CELF2: variants seen among roughly 807,000 people sequenced by gnomAD.
CELF2 encodes CUG triplet repeat RNA-binding protein 2.
In CELF2, 8 loss-of-function variants were observed where a neutral mutation model predicts 62.6. The ratio of observed to expected loss-of-function variants is 0.13; its 90% CI spans 0.07 to 0.23. CELF2 has a LOEUF of 0.23. CELF2 is among the 10% of genes least tolerant of loss of function. CELF2 has a pLI of 1.00. For synonymous variants in CELF2, 258 were observed against 250.0 expected, an observed-to-expected ratio of 1.03 and a Z score of -0.30; for missense variants, 333 against 671.0, an observed-to-expected ratio of 0.50 and a Z score of 5.56.
At chr10:11,216,033 G>A (rs1368502906) in intron 2 of CELF2, among the ~76,000 whole-genome samples, 1 of 152,158 alleles carries the variant, frequency 6.6e-6, no homozygotes, top group East Asian at 1.9e-4. Flanking sequence ...GTCTCTTCAG[G>A]TTGATTCTTT....
intron 1 of CELF2, among the ~76,000 whole-genome samples, chr10:11,067,664 C>T (rs956236517): frequency 6.6e-6 from 1 of 152,194 alleles, no homozygotes; most frequent in Non-Finnish European, 1.5e-5. Context: ...GGTTCCCAAG[C>T]AAGAAACTCT....
chr10:10,848,740 G>A (rs551797197), intron 1 of CELF2, among the ~76,000 whole-genome samples: 4 of 152,266 alleles, frequency 2.6e-5, no homozygotes, highest in African/African-American at 9.6e-5. Flanking sequence ...TCAACAGAAC[G>A]GGTTCCGATT....
At chr10:10,565,717 A>G in the CELF2 span, among the ~76,000 whole-genome samples, 2 of 152,204 alleles carry the variant, frequency 1.3e-5, no homozygotes, top group Non-Finnish European at 2.9e-5. Context: ...ACTTCCTTTT[A>G]ATAAGCACGG....
At chr10:11,299,255 T>C (rs12360461) in intron 9 of CELF2, among the ~76,000 whole-genome samples, 151,118 of 152,386 alleles carry the variant, frequency 0.99, 74,942 homozygotes, top group Middle Eastern at 1. Context: ...ACACGGCGGG[T>C]GGTGCGTGCT....
chr10:10,670,260 T>G, the CELF2 span, among the ~76,000 whole-genome samples: 1 of 152,172 alleles, frequency 6.6e-6, no homozygotes, highest in South Asian at 2.1e-4. Context: ...TAAACTCAAC[T>G]GATTTTCAGC....
chr10:10,567,382 C>T, the CELF2 span, among the ~76,000 whole-genome samples: 1 of 152,094 alleles, frequency 6.6e-6, no homozygotes, highest in Non-Finnish European at 1.5e-5. Flanking sequence ...GGTCGGGTTC[C>T]CTGGGGAAGC....
chr10:11,152,532 C>G (rs1269905727), intron 1 of CELF2, among the ~76,000 whole-genome samples: 1 of 152,196 alleles, frequency 6.6e-6, no homozygotes, highest in Non-Finnish European at 1.5e-5. Flanking sequence ...CAAAATTATC[C>G]TTTTAACTTC....
chr10:10,609,233 G>T, the CELF2 span, among the ~76,000 whole-genome samples: 1 of 152,132 alleles, frequency 6.6e-6, no homozygotes, highest in Non-Finnish European at 1.5e-5. Flanking sequence ...CAAGGCTAAA[G>T]GTACAATCCA....
rs753695637 is a variant in CELF2, at chr10:11,082,627, C to T, written c.74+64464C>T. On this transcript the variant is annotated intron_variant, in intron 1 of 12. Coordinates refer to ENST00000633077, the MANE Select transcript of CELF2 (RefSeq NM_001326342.2). ...AGATTACTTAGATGAGCTCTGAGAT[C>T]CCTTCCAGTTCTAAAAATGCTATGA... 3.2e-4 allele frequency among the ~76,000 whole-genome samples: 48 copies of T among 152,346 alleles called. 1 individual carries two copies. Among genetic ancestry groups the T allele is most frequent in the African/African-American group, 1.2e-3 (48 of 41,586 alleles).
chr10:10,794,357 A>G (rs2054019472), upstream of CELF2, among the ~76,000 whole-genome samples: 1 of 151,056 alleles, frequency 6.6e-6, no homozygotes, highest in African/African-American at 2.4e-5. Context: ...ATAAGAAGAG[A>G]AAAAAAACTA....
chr10:11,321,752 C>T lies in CELF2; in HGVS notation c.1294+366C>T, dbSNP rs539898759. Among the ~76,000 whole-genome samples the T allele has an allele frequency of 1.3e-5, 2 of 152,238 alleles. No homozygotes were observed. The highest frequency in any genetic ancestry group is 4.8e-5 in the African/African-American group (2 of 41,546). On this transcript the variant is annotated intron_variant, in intron 11 of 12. Coordinates refer to ENST00000633077, the MANE Select transcript of CELF2 (RefSeq NM_001326342.2). This position sits in a 1 kb window ranked among gnomAD's most constrained non-coding sequence, Gnocchi z 6.2. Reference sequence around the variant, plus strand: ...TCTTTCTCACTTGGTCTTATAGTTACCTTCTAATTTAATTTTTCATCGATC... The same window carrying T: ...TCTTTCTCACTTGGTCTTATAGTTATCTTCTAATTTAATTTTTCATCGATC...
At position 11,329,871 on chromosome 10, in the gene CELF2, A is replaced by G. The variant is rs894354413; in HGVS notation, c.*818A>G. ...ACATAAATACATAAATAAAAAAGAA[A>G]GCCACAGGCCTGTAAATTTTATTTG... On this transcript the variant is annotated 3_prime_UTR_variant, in exon 13 of 13. Coordinates refer to ENST00000633077, the MANE Select transcript of CELF2 (RefSeq NM_001326342.2). This position sits in a 1 kb window ranked among gnomAD's most constrained non-coding sequence, Gnocchi z 5.5. The G allele has an allele frequency of 6.6e-6, 1 of 152,460 alleles. No individual in the cohort carries two copies. Among genetic ancestry groups the G allele is most frequent in the African/African-American group, 2.4e-5 (1 of 41,468 alleles). 9.4% of individuals were successfully genotyped at this position (152,460 alleles called of 1,614,324 possible).
chr10:10,587,981 C>T, the CELF2 span, among the ~76,000 whole-genome samples: 2 of 151,598 alleles, frequency 1.3e-5, no homozygotes, highest in Non-Finnish European at 2.9e-5. Flanking sequence ...GCCCACTCAC[C>T]AAGAAGGAGG....
rs937186870 is a variant in CELF2, at chr10:11,211,312, G to C, written c.272-6113G>C. Among the ~76,000 whole-genome samples, 1 of 152,188 alleles carries C rather than the reference G, an allele frequency of 6.6e-6. No individual in the cohort carries two copies. Among genetic ancestry groups the C allele is most frequent in the Admixed American group, 6.5e-5 (1 of 15,286 alleles). ...AAAATTGCTTTGTCCATATATTAGA[G>C]TCAAGGAATTTAAAGAAAACCGCCT... On this transcript the variant is annotated intron_variant, in intron 2 of 12. Coordinates refer to ENST00000633077, the MANE Select transcript of CELF2 (RefSeq NM_001326342.2). This position sits in a 1 kb window ranked among gnomAD's most constrained non-coding sequence, Gnocchi z 4.8.
the CELF2 span, among the ~76,000 whole-genome samples, chr10:10,639,073 C>T: frequency 2.0e-5 from 3 of 152,194 alleles, no homozygotes; most frequent in Non-Finnish European, 4.4e-5. Context: ...TTTAGAAAAA[C>T]CCAGAAGAGA....
At chr10:11,283,028 G>A (rs2089560148) in intron 8 of CELF2, among the ~76,000 whole-genome samples, 1 of 152,220 alleles carries the variant, frequency 6.6e-6, no homozygotes, top group Non-Finnish European at 1.5e-5. Context: ...TCAGCCTCCT[G>A]AGTAGCTGGA....
intron 1 of CELF2, among the ~76,000 whole-genome samples, chr10:10,845,462 TAC>T (rs3028995): frequency 0.73 from 111,298 of 151,492 alleles, 41,302 homozygotes; most frequent in East Asian, 0.97. Context: ...AAGCAAAACA[TAC>T]ACACACACAC....
chr10:10,593,311 T>C, the CELF2 span, among the ~76,000 whole-genome samples: 1 of 152,246 alleles, frequency 6.6e-6, no homozygotes, highest in Admixed American at 6.5e-5. Flanking sequence ...AGATGGAAGA[T>C]CTAGAACGGC....
the CELF2 span, among the ~76,000 whole-genome samples, chr10:10,519,859 C>T: frequency 6.6e-6 from 1 of 152,286 alleles, no homozygotes; most frequent in Non-Finnish European, 1.5e-5. Flanking sequence ...CAAAGAGTGC[C>T]AGAGGTGGTC....
Sources: gnomAD v4.1 joint callset for allele counts (sites outside exome capture counted in the v4.1 genomes callset) on GRCh38, gnomAD v4.1.1 for gene constraint, Gnocchi (gnomAD v3.1) non-coding constraint, MANE v1.5 for transcripts, NCBI Gene and HGNC (gene_info 2026-07-23, HGNC 2026-07-21) for gene names.